Variants in IQGAP1 observed in about 807,000 individuals in gnomAD.
IQGAP1 encodes ras GTPase-activating-like protein IQGAP1.
IQGAP1 carries 66 observed loss-of-function variants against 215.6 expected under a neutral mutation model. That is an observed-to-expected ratio of 0.31 (90% confidence interval 0.25 to 0.38). The LOEUF is 0.38. Among genes scored for constraint, IQGAP1 ranks in the 10% least tolerant of loss-of-function variants. The probability of loss-of-function intolerance (pLI) is 1.00; values close to 1 mark genes in which losing one functional copy is unlikely to be tolerated. For missense variants in IQGAP1, 1,712 were observed against 1,997.1 expected (o/e 0.86, Z 2.72); for synonymous variants, 772 against 728.7 (o/e 1.06, Z -0.96).
rs1176207466 is a variant in IQGAP1 at position 90,472,998 on chromosome 15, C to T, written c.2337C>T (p.Ile779=). 1 of 1,613,928 alleles carries T rather than the reference C, an allele frequency of 6.2e-7. No homozygotes were observed. The highest frequency in any genetic ancestry group is 8.5e-7 in the Non-Finnish European group (1 of 1,179,890). The change falls in exon 19 of 38, where the codon ATC becomes ATT. Residue 779 remains isoleucine (I), a synonymous_variant. Coordinates refer to ENST00000268182, the MANE Select transcript of IQGAP1 (RefSeq NM_003870.4). Reference sequence around the variant, plus strand: ...TCCTGAAGAAACAAATCCCTGCCATCACCTGCATTCAGGTATTTCAGAACC... The same window carrying T: ...TCCTGAAGAAACAAATCCCTGCCATTACCTGCATTCAGGTATTTCAGAACC... The part of the protein sequence containing the change: ...MNFLKKQIPA[I]TCIQSQWRGY...
intron 8 of IQGAP1, 117 bp downstream of exon 8, chr15:90,441,801 G>C (rs977616400): frequency 2.8e-6 from 2 of 726,482 alleles, no homozygotes; most frequent in African/African-American, 3.6e-5. Context: ...AAATTCACCG[G>C]ATTTTAAATG....
At chr15:90,458,259 A>T (rs907396072) in intron 15 of IQGAP1, among the ~76,000 whole-genome samples, 3 of 152,156 alleles carry the variant, frequency 2.0e-5, no homozygotes, top group Non-Finnish European at 2.9e-5. Flanking sequence ...TTATTTATTT[A>T]TTCATGAGTT....
chr15:90,398,962 G>A (rs1417218271), intron 2 of IQGAP1, among the ~76,000 whole-genome samples: 6 of 141,814 alleles, frequency 4.2e-5, no homozygotes, highest in Admixed American at 1.5e-4. Context: ...CTGAGATCAC[G>A]CCACTGTACT....
intron 7 of IQGAP1, 60 bp downstream of exon 7, chr15:90,440,675 AATTCTATAGTG>A: frequency 9.6e-7 from 1 of 1,043,838 alleles, no homozygotes; most frequent in African/African-American, 1.6e-5. Context: ...TCCAATAATT[AATTCTATAGTG>A]ATGATCTAGG....
At chr15:90,435,738 G>A (rs1045547643) in intron 5 of IQGAP1, among the ~76,000 whole-genome samples, 4 of 152,104 alleles carry the variant, frequency 2.6e-5, no homozygotes, top group Non-Finnish European at 5.9e-5. Context: ...CCTTCCTAGT[G>A]GTAGAGTCAG....
intron 2 of IQGAP1, among the ~76,000 whole-genome samples, chr15:90,425,733 G>C (rs1965212204): frequency 6.6e-6 from 1 of 152,196 alleles, no homozygotes; most frequent in Non-Finnish European, 1.5e-5. Context: ...TAAAGCTTCT[G>C]AACAGTTGAA....
intron 2 of IQGAP1, among the ~76,000 whole-genome samples, chr15:90,413,960 C>T (rs865869923): frequency 1.3e-5 from 2 of 152,332 alleles, no homozygotes; most frequent in South Asian, 2.1e-4. Flanking sequence ...CTCTGCTCTT[C>T]AGAACCTTGC....
intron 2 of IQGAP1, among the ~76,000 whole-genome samples, chr15:90,399,487 C>T (rs745324009): frequency 3.3e-5 from 5 of 152,076 alleles, no homozygotes; most frequent in Admixed American, 6.6e-5. Flanking sequence ...GACTTTCTCT[C>T]GTATTTGCTA....
At position 90,408,505 on chromosome 15, in the gene IQGAP1, A is replaced by G. The variant is rs143127579; in HGVS notation, c.156-17605A>G. 7.2e-5 allele frequency among the ~76,000 whole-genome samples: 11 copies of G among 152,338 alleles called. No homozygotes were observed. In the East Asian group the frequency reaches 2.1e-3, roughly 29 times the overall value. ...AGGCGATAAAGAGATATAAAGTGCCATAAGAAAGTTTAGAGGAAGTTTGGA... is the reference window on the plus strand; with the variant it reads ...AGGCGATAAAGAGATATAAAGTGCCGTAAGAAAGTTTAGAGGAAGTTTGGA... On this transcript the variant is annotated intron_variant, in intron 2 of 37. Coordinates refer to ENST00000268182, the MANE Select transcript of IQGAP1 (RefSeq NM_003870.4).
chr15:90,426,293 G>T, intron 3 of IQGAP1, 27 bp downstream of exon 3: 1 of 1,574,276 alleles, frequency 6.4e-7, no homozygotes, highest in Non-Finnish European at 8.6e-7. Context: ...TTTGTGCTTA[G>T]ATTTCTGTCA....
In IQGAP1 at chr15:90,491,380, C is replaced by T. The variant is rs1966202188; in HGVS notation, c.4296C>T (p.Ala1432=). The change falls in exon 34 of 38, where the codon GCC becomes GCT. Residue 1432 remains alanine (A), a synonymous_variant. Transcript: ENST00000268182. ...RAMQRRAIRD[A]KTPDKMKKSK... is the part of the protein sequence containing the mutation. Reference sequence around the variant, plus strand: ...TGCAGAGACGTGCTATCCGTGATGCCAAAACACCTGACAAGATGAAAAAGT... The same window carrying T: ...TGCAGAGACGTGCTATCCGTGATGCTAAAACACCTGACAAGATGAAAAAGT... 6.2e-7 allele frequency: 1 copy of T among 1,613,788 alleles called. No homozygotes were observed. The highest frequency in any genetic ancestry group is 1.3e-5 in the African/African-American group (1 of 74,814).
At chr15:90,433,595 T>C in intron 4 of IQGAP1, 124 bp from the exon 5 acceptor site, 3 of 489,602 alleles carry the variant, frequency 6.1e-6, no homozygotes, top group Non-Finnish European at 7.8e-6. Flanking sequence ...CCACCGATGT[T>C]TTCTAAGAAT....
intron 26 of IQGAP1, among the ~76,000 whole-genome samples, chr15:90,479,441 T>G (rs1030017626): frequency 6.6e-6 from 1 of 151,912 alleles, no homozygotes; most frequent in Non-Finnish European, 1.5e-5. Flanking sequence ...GCTGACTCCT[T>G]GAAAGGGCTT....
chr15:90,473,710 T>C lies in IQGAP1; in HGVS notation c.2350-5T>C, dbSNP rs1464019013. The C allele has an allele frequency of 1.3e-6, 2 of 1,595,658 alleles. No homozygotes were observed. Among genetic ancestry groups the C allele is most frequent in the Middle Eastern group, 1.7e-4 (1 of 6,036 alleles). The stretch of plus-strand genomic sequence containing the variant: ...TATGTCTTCTGTAACATTTGACTGT[T>C]TCAGTCACAGTGGAGAGGATACAAG... On this transcript the variant is annotated splice_region_variant and splice_polypyrimidine_tract_variant and intron_variant, in intron 19 of 37. Coordinates refer to ENST00000268182, the MANE Select transcript of IQGAP1 (RefSeq NM_003870.4).
intron 26 of IQGAP1, among the ~76,000 whole-genome samples, chr15:90,480,684 G>T (rs950194103): frequency 6.6e-6 from 1 of 152,042 alleles, no homozygotes; most frequent in Admixed American, 6.6e-5. Flanking sequence ...TGTTGTTGTG[G>T]TTGAGACAGA....
chr15:90,485,947 G>C, intron 30 of IQGAP1, 83 bp from the exon 31 acceptor site: 1 of 1,015,468 alleles, frequency 9.8e-7, no homozygotes, highest in South Asian at 1.4e-5. Context: ...GAACCTCTTT[G>C]TGCAGATCAT....
At chr15:90,464,795 T>C (rs1387510375) in intron 15 of IQGAP1, among the ~76,000 whole-genome samples, 3 of 150,430 alleles carry the variant, frequency 2.0e-5, no homozygotes, top group South Asian at 4.2e-4. Context: ...GAGCTTGCAG[T>C]GAGCCGAGAT....
At chr15:90,399,022 A>AAAAG (rs1336349382) in intron 2 of IQGAP1, among the ~76,000 whole-genome samples, 11 of 150,036 alleles carry the variant, frequency 7.3e-5, no homozygotes, top group African/African-American at 1.3e-4. Flanking sequence ...AAAAAAAAAA[A>AAAAG]AAAGTGAATA....
chr15:90,484,891 T>G (rs952331314), intron 30 of IQGAP1, among the ~76,000 whole-genome samples: 1 of 152,182 alleles, frequency 6.6e-6, no homozygotes, highest in African/African-American at 2.4e-5. Flanking sequence ...TCCTATGGGC[T>G]GATAGTTAAA....
Sources: gnomAD v4.1 joint callset for allele counts (sites outside exome capture counted in the v4.1 genomes callset) on GRCh38, gnomAD v4.1.1 for gene constraint, MANE v1.5 for transcripts, NCBI Gene and HGNC (gene_info 2026-07-23, HGNC 2026-07-21) for gene names.